The following ABL1 variants were observed in gnomAD, a reference collection of about 807,000 sequenced individuals.
ABL1 encodes tyrosine-protein kinase ABL1.
In ABL1, 11 loss-of-function variants were observed where a neutral mutation model predicts 94.7. The ratio of observed to expected loss-of-function variants is 0.12; its 90% CI spans 0.07 to 0.19. The LOEUF (loss-of-function observed/expected upper bound fraction) is 0.19. Ranked by LOEUF, ABL1 falls within the 10% of genes least tolerant of loss-of-function variation. The pLI, the probability that ABL1 is intolerant of heterozygous loss-of-function variation, is 1.00. For missense variants in ABL1, 1,082 were observed against 1,489.4 expected (o/e 0.73, Z 4.50); for synonymous variants, 656 against 622.4 (o/e 1.05, Z -0.80).
At chr9:130,759,814 A>G (rs1832087279) in intron 1 of ABL1, among the ~76,000 whole-genome samples, 1 of 152,032 alleles carries the variant, frequency 6.6e-6, no homozygotes, top group South Asian at 2.1e-4. Flanking sequence ...TTTTCCTGAA[A>G]CAGGGTCTCA....
chr9:130,869,918 G>A (rs1410301943), intron 4 of ABL1, among the ~76,000 whole-genome samples: 2 of 152,168 alleles, frequency 1.3e-5, no homozygotes, highest in Non-Finnish European at 2.9e-5. Flanking sequence ...TCCTGCTCCC[G>A]AATTCAAGTG....
Position 130,855,105 on chromosome 9 carries a change from C to T in ABL1, c.549+9C>T. 2 of 1,608,742 alleles carry T rather than the reference C, an allele frequency of 1.2e-6. No individual in the cohort carries two copies. Among genetic ancestry groups the T allele is most frequent in the South Asian group, 1.1e-5 (1 of 90,734 alleles). The stretch of plus-strand genomic sequence containing the variant: ...CTGCTTCTGATGGCAAGGTAGGGGA[C>T]CCTTGGCAGGGGGCGCTGATGGGCC... On this transcript the variant is annotated intron_variant, in intron 3 of 10. Coordinates refer to ENST00000318560, the MANE Select transcript of ABL1 (RefSeq NM_005157.6).
At chr9:130,760,622 T>C (rs943688642) in intron 1 of ABL1, among the ~76,000 whole-genome samples, 54 of 152,086 alleles carry the variant, frequency 3.6e-4, no homozygotes, top group Non-Finnish European at 5.9e-4. Context: ...AGGAAGAAAA[T>C]TTCTCTTGTA....
chr9:130,869,173 AAAAAG>A (rs1831209796), intron 4 of ABL1, among the ~76,000 whole-genome samples: 1 of 152,174 alleles, frequency 6.6e-6, no homozygotes, highest in African/African-American at 2.4e-5. Context: ...TCTCAAAAAA[AAAAAG>A]AAAATACCTG....
intron 6 of ABL1, among the ~76,000 whole-genome samples, chr9:130,874,019 C>T (rs146922356): frequency 2.6e-5 from 4 of 152,288 alleles, no homozygotes; most frequent in Non-Finnish European, 5.9e-5. Context: ...CTGGCACGGC[C>T]GGGTCCGTTC....
intron 1 of ABL1, among the ~76,000 whole-genome samples, chr9:130,843,266 T>A (rs1830705938): frequency 6.6e-6 from 1 of 152,132 alleles, no homozygotes; most frequent in Admixed American, 6.5e-5. Context: ...GGAGTTTACA[T>A]TGTTGTGGTG....
At chr9:130,760,685 ATGGAGTCTCGCTCTGTCGCCAGGC>A (rs1832099980) in intron 1 of ABL1, among the ~76,000 whole-genome samples, 2 of 150,836 alleles carry the variant, frequency 1.3e-5, no homozygotes. Flanking sequence ...TTTTTTTGAA[ATGGAGTCTCGCTCTGTCGCCAGGC>A]TGGAGTGCAG....
At chr9:130,726,508 C>T (rs1831588054) in intron 1 of ABL1, among the ~76,000 whole-genome samples, 1 of 152,178 alleles carries the variant, frequency 6.6e-6, no homozygotes, top group South Asian at 2.1e-4. Flanking sequence ...GTTTCTCTCT[C>T]ACACACACCT....
rs1829665355 is a variant in ABL1, at chr9:130,776,847, CT to C, written c.136+62393del. Among the ~76,000 whole-genome samples the C allele has an allele frequency of 5.9e-5, 9 of 152,286 alleles. No homozygotes were observed. The South Asian group carries it at 1.9e-3, about 32-fold the overall frequency. Reference sequence around the variant, plus strand: ...GCTCAAGCGATCCTTCTGTCGCGGCCTCCCAGAGCGCTGGGGATACAGGTGT... The same window carrying C: ...GCTCAAGCGATCCTTCTGTCGCGGCCCCCAGAGCGCTGGGGATACAGGTGT... On this transcript the variant is annotated intron_variant, in intron 1 of 10. Transcript: ENST00000372348.
chr9:130,758,386 C>T (rs936851504), intron 1 of ABL1, among the ~76,000 whole-genome samples: 3 of 151,708 alleles, frequency 2.0e-5, no homozygotes, highest in African/African-American at 7.3e-5. Context: ...TCTCGGAACT[C>T]CTGACTCCGG....
chr9:130,821,563 C>T (rs1830363307), intron 1 of ABL1, among the ~76,000 whole-genome samples: 1 of 151,800 alleles, frequency 6.6e-6, no homozygotes, highest in Admixed American at 6.6e-5. Context: ...CAGTTTTGGT[C>T]ATCATTAACA....
intron 3 of ABL1, among the ~76,000 whole-genome samples, chr9:130,858,336 T>C (rs1004762426): frequency 5.3e-5 from 8 of 152,100 alleles, no homozygotes; most frequent in African/African-American, 1.9e-4. Context: ...TAAAAGCTAG[T>C]ATGTGCCAGG....
chr9:130,798,786 G>C (rs1220518979), intron 1 of ABL1, among the ~76,000 whole-genome samples: 1 of 151,944 alleles, frequency 6.6e-6, no homozygotes, highest in Non-Finnish European at 1.5e-5. Context: ...GGCCAATATG[G>C]TGAAACCCTG....
In ABL1 at chr9:130,880,180, C is replaced by T; in HGVS notation, c.1513+23C>T. ...ACGGTAAAGTACCCATCCCGGGGTA[C>T]CTGCAGTGGGGTGAAAGGGCAGCCA... On this transcript the variant is annotated intron_variant, in intron 9 of 10. Coordinates refer to ENST00000318560, the MANE Select transcript of ABL1 (RefSeq NM_005157.6). The surrounding 1 kb of genome is among the most constrained non-coding windows in gnomAD (Gnocchi z 4.4). 1 of 1,610,096 alleles carries T rather than the reference C, an allele frequency of 6.2e-7. No homozygotes were observed. The highest frequency in any genetic ancestry group is 8.5e-7 in the Non-Finnish European group (1 of 1,176,414).
chr9:130,880,393 A>G lies in ABL1; in HGVS notation c.1514-107A>G, dbSNP rs1268641579. The G allele has an allele frequency of 1.5e-6, 2 of 1,363,640 alleles. No homozygotes were observed. Among genetic ancestry groups the G allele is most frequent in the African/African-American group, 2.9e-5 (2 of 69,084 alleles). 84.5% of individuals were successfully genotyped at this position (1,363,640 alleles called of 1,614,324 possible). On this transcript the variant is annotated intron_variant, in intron 9 of 10. Coordinates refer to ENST00000318560, the MANE Select transcript of ABL1 (RefSeq NM_005157.6). This position sits in a 1 kb window ranked among gnomAD's most constrained non-coding sequence, Gnocchi z 4.4. Reference sequence around the variant, plus strand: ...ATCCACGTGCCTTTTCTTTAGTTGTATGCAGATGAGCACTGTTACCTTACA... The same window carrying G: ...ATCCACGTGCCTTTTCTTTAGTTGTGTGCAGATGAGCACTGTTACCTTACA...
At chr9:130,812,806 A>G (rs376785203) in intron 1 of ABL1, among the ~76,000 whole-genome samples, 2 of 152,356 alleles carry the variant, frequency 1.3e-5, no homozygotes, top group African/African-American at 2.4e-5. Flanking sequence ...TAATCAACTG[A>G]CTTGACTTAA....
At chr9:130,802,974 T>C (rs1464301884) in intron 1 of ABL1, among the ~76,000 whole-genome samples, 1 of 152,200 alleles carries the variant, frequency 6.6e-6, no homozygotes, top group Non-Finnish European at 1.5e-5. Context: ...AGGGATGTGA[T>C]TGTACGGGGA....
chr9:130,749,137 TATAGTAATAC>T (rs1564278188), intron 1 of ABL1, among the ~76,000 whole-genome samples: 1 of 152,180 alleles, frequency 6.6e-6, no homozygotes, highest in Non-Finnish European at 1.5e-5. Flanking sequence ...AGCAGTGGTT[TATAGTAATAC>T]ATTGTGCTCA....
At chr9:130,830,994 T>C (rs538838827), upstream of ABL1, among the ~76,000 whole-genome samples, 17 of 152,318 alleles carry the variant, frequency 1.1e-4, no homozygotes, top group East Asian at 3.3e-3. Flanking sequence ...AAAACTGGTA[T>C]GACAGAAGTG....
Sources: allele counts gnomAD v4.1 joint callset (sites outside exome capture counted in the v4.1 genomes callset), GRCh38; gene constraint gnomAD v4.1.1; non-coding constraint Gnocchi (gnomAD v3.1); transcripts MANE v1.5; gene names NCBI Gene and HGNC (gene_info 2026-07-23, HGNC 2026-07-21).